The following ABCA13 variants were observed in gnomAD, a reference collection of about 807,000 sequenced individuals.
The protein encoded by ABCA13 is ATP binding cassette subfamily A member 13.
ABCA13 carries 476 observed loss-of-function variants against 478.7 expected under a neutral mutation model. The ratio of observed to expected loss-of-function variants is 0.99; its 90% CI spans 0.92 to 1.07. ABCA13 has a LOEUF of 1.07. Ranked by LOEUF, ABCA13 falls within the 50% of genes least tolerant of loss-of-function variation. The pLI is 0.00. For synonymous variants in ABCA13, 2,252 were observed against 2,158.9 expected (o/e 1.04, Z -1.20); for missense variants, 6,060 against 5,910.6 (o/e 1.03, Z -0.83).
intron 29 of ABCA13, among the ~76,000 whole-genome samples, chr7:48,341,962 A>C (rs1390053691): frequency 6.8e-6 from 1 of 147,036 alleles, no homozygotes; most frequent in Non-Finnish European, 1.5e-5. Flanking sequence ...TATACTCATC[A>C]CTAGACACTT....
chr7:48,466,203 C>T (rs975988270), intron 43 of ABCA13, among the ~76,000 whole-genome samples: 2 of 152,126 alleles, frequency 1.3e-5, no homozygotes, highest in Non-Finnish European at 2.9e-5. Flanking sequence ...TCTACATTTT[C>T]TCAAGATTGT....
intron 42 of ABCA13, among the ~76,000 whole-genome samples, chr7:48,452,228 C>T (rs1025520): frequency 0.34 from 51,898 of 151,990 alleles, 8,980 homozygotes; most frequent in East Asian, 0.47. Flanking sequence ...AGTTTAATAA[C>T]TGTTCTAATA....
At chr7:48,413,107 G>A (rs1228283459) in intron 41 of ABCA13, among the ~76,000 whole-genome samples, 3 of 152,028 alleles carry the variant, frequency 2.0e-5, no homozygotes, top group South Asian at 2.1e-4. Context: ...CCATGCACCC[G>A]GCCTCTTTTA....
rs1172075336 is a variant in ABCA13, at chr7:48,483,168, T to A, written c.13182+5T>A. 1 of 1,601,790 alleles carries A rather than the reference T, an allele frequency of 6.2e-7. No individual in the cohort carries two copies. Among genetic ancestry groups the A allele is most frequent in the Non-Finnish European group, 8.5e-7 (1 of 1,175,974 alleles). The stretch of plus-strand genomic sequence containing the variant: ...AAACCCCCAACTCTGGCAAAGGTAA[T>A]CATATTTTTTTATTTTTTTCCTGTT... On this transcript the variant is annotated splice_donor_5th_base_variant and intron_variant, in intron 47 of 61. Transcript: ENST00000435803.
chr7:48,643,226 A>C (rs1795224691), intron 59 of ABCA13, 62 bp from the exon 60 acceptor site: 2 of 1,101,026 alleles, frequency 1.8e-6, no homozygotes, highest in African/African-American at 1.6e-5. Context: ...AAATGGACTT[A>C]GAATTTACTC....
chr7:48,558,992 T>A (rs1436333566), intron 55 of ABCA13, among the ~76,000 whole-genome samples: 1 of 152,208 alleles, frequency 6.6e-6, no homozygotes, highest in African/African-American at 2.4e-5. Flanking sequence ...CCCTCTCAGC[T>A]GCTAATGTCT....
intron 1 of ABCA13, among the ~76,000 whole-genome samples, chr7:48,189,222 A>G (rs1440589277): frequency 6.6e-6 from 1 of 152,224 alleles, no homozygotes; most frequent in African/African-American, 2.4e-5. Flanking sequence ...CAGCATTCCT[A>G]TTTAACAGGG....
rs1200278656 is a variant in ABCA13 at position 48,489,592 on chromosome 7, G to C, written c.13291+248G>C. On this transcript the variant is annotated intron_variant, in intron 48 of 61. Coordinates refer to ENST00000435803, the MANE Select transcript of ABCA13 (RefSeq NM_152701.5). ...GGATGAGGGGAACAAAATGTGACTG[G>C]AGAGTTCTCTCCTAAAATTATTTTA... Among the ~76,000 whole-genome samples, 3 of 152,260 alleles carry C rather than the reference G, an allele frequency of 2.0e-5. No homozygotes were observed. In the East Asian group the frequency reaches 5.8e-4, roughly 29 times the overall value.
intron 27 of ABCA13, among the ~76,000 whole-genome samples, chr7:48,328,383 G>T (rs1177487737): frequency 6.6e-6 from 1 of 152,144 alleles, no homozygotes; most frequent in South Asian, 2.1e-4. Context: ...CTCTCAGATG[G>T]GTGAAAGTGG....
intron 43 of ABCA13, among the ~76,000 whole-genome samples, chr7:48,458,540 C>G (rs1302583558): frequency 6.6e-6 from 1 of 152,214 alleles, no homozygotes; most frequent in Non-Finnish European, 1.5e-5. Flanking sequence ...TAAATCTTAT[C>G]TTATTAGTGT....
intron 19 of ABCA13, among the ~76,000 whole-genome samples, chr7:48,287,610 A>G (rs59378652): frequency 0.041 from 6,251 of 152,236 alleles, 383 homozygotes; most frequent in African/African-American, 0.14. Context: ...GACAGAGGGC[A>G]CTGTTCATAA....
chr7:48,343,006 T>C (rs779047102), intron 29 of ABCA13, among the ~76,000 whole-genome samples: 9 of 152,152 alleles, frequency 5.9e-5, no homozygotes, highest in Non-Finnish European at 1.2e-4. Context: ...TATTTTCATC[T>C]AATTTTGGAC....
intron 38 of ABCA13, among the ~76,000 whole-genome samples, chr7:48,396,084 C>A (rs144570729): frequency 6.6e-6 from 1 of 152,208 alleles, no homozygotes; most frequent in Non-Finnish European, 1.5e-5. Flanking sequence ...CAGGGCACTG[C>A]CGGCCTGTGC....
At chr7:48,414,729 A>G (rs1819742233) in intron 41 of ABCA13, among the ~76,000 whole-genome samples, 1 of 152,088 alleles carries the variant, frequency 6.6e-6, no homozygotes, top group Non-Finnish European at 1.5e-5. Flanking sequence ...TAGCCTCCCA[A>G]GTAGCTGAGA....
intron 59 of ABCA13, chr7:48,626,541 G>A (rs978462225): frequency 1.1e-6 from 1 of 883,054 alleles, no homozygotes; most frequent in Admixed American, 6.2e-5. Flanking sequence ...GGAACAAAGG[G>A]AAGCAAAAAG....
intron 48 of ABCA13, among the ~76,000 whole-genome samples, chr7:48,498,565 A>C (rs1368774205): frequency 2.0e-5 from 3 of 152,106 alleles, no homozygotes; most frequent in African/African-American, 7.2e-5. Flanking sequence ...TCCATCTAGG[A>C]GGACTATCTC....
At chr7:48,508,121 A>AG in intron 50 of ABCA13, 72 bp downstream of exon 50, 1 of 1,595,632 alleles carries the variant, frequency 6.3e-7, no homozygotes, top group Non-Finnish European at 8.6e-7. Context: ...GGAGGGATGG[A>AG]GGGGGGCATT....
chr7:48,410,444 A>T, intron 39 of ABCA13, 76 bp from the exon 40 acceptor site: 1 of 1,561,242 alleles, frequency 6.4e-7, no homozygotes, highest in South Asian at 1.1e-5. Flanking sequence ...TGGATCTACC[A>T]TCCTGAGGAA....
At chr7:48,586,149 A>G (rs1789158669) in intron 56 of ABCA13, among the ~76,000 whole-genome samples, 1 of 152,134 alleles carries the variant, frequency 6.6e-6, no homozygotes, top group Non-Finnish European at 1.5e-5. Flanking sequence ...GAAGCTGTGA[A>G]CCGCAGGCTC....
Sources: gnomAD v4.1 joint callset for allele counts (sites outside exome capture counted in the v4.1 genomes callset) on GRCh38, gnomAD v4.1.1 for gene constraint, MANE v1.5 for transcripts, NCBI Gene and HGNC (gene_info 2026-07-23, HGNC 2026-07-21) for gene names.